CDH22: variants seen among roughly 807,000 people sequenced by gnomAD.
CDH22 encodes the protein cadherin 22.
In CDH22, 30 loss-of-function variants were observed where a neutral mutation model predicts 58.4. The ratio of observed to expected loss-of-function variants is 0.51; its 90% CI spans 0.38 to 0.70. The LOEUF is 0.70. CDH22 is among the 30% of genes least tolerant of loss of function. CDH22 has a pLI of 0.00. For missense variants in CDH22, 1,014 were observed against 1,233.9 expected (o/e 0.82, Z 2.67); for synonymous variants, 513 against 558.2 (o/e 0.92, Z 1.14).
chr20:46,296,790 G>A (rs1266831233), intron 1 of CDH22, among the ~76,000 whole-genome samples: 2 of 152,170 alleles, frequency 1.3e-5, no homozygotes, highest in East Asian at 1.9e-4. Context: ...CCTCCCTCTC[G>A]CACAGCAGAG....
At chr20:46,255,735 T>A (rs1292998896) in intron 1 of CDH22, among the ~76,000 whole-genome samples, 4 of 152,174 alleles carry the variant, frequency 2.6e-5, no homozygotes, top group Non-Finnish European at 1.5e-5. Flanking sequence ...CTTCTTCCTT[T>A]TCCTGCTCCA....
chr20:46,224,273 C>T (rs2086155534), intron 4 of CDH22, among the ~76,000 whole-genome samples: 1 of 152,204 alleles, frequency 6.6e-6, no homozygotes, highest in Admixed American at 6.5e-5. Context: ...AATAAAAGTG[C>T]CATGAATGCA....
rs554879004 is a variant in CDH22, at chr20:46,295,794, G to C, written c.-400+12461C>G. On this transcript the variant is annotated intron_variant, in intron 1 of 11. Coordinates refer to ENST00000537909, the MANE Select transcript of CDH22 (RefSeq NM_021248.3). ...TATTTATTTGTAGAGGCAGGGTCTC[G>C]CTCTGTCACCCAGGCTGGAGTGCAG... Among the ~76,000 whole-genome samples, 3 of 152,132 alleles carry C rather than the reference G, an allele frequency of 2.0e-5. No individual in the cohort carries two copies. The South Asian group carries it at 6.2e-4, about 32-fold the overall frequency.
rs1219015149 is a variant in CDH22, at chr20:46,216,178, G to A, written c.838+648C>T. On this transcript the variant is annotated intron_variant, in intron 5 of 11. Transcript: ENST00000537909. This position sits in a 1 kb window ranked among gnomAD's most constrained non-coding sequence, Gnocchi z 5.3. ...GTAGTGGCTCTCGGCCTGAGCCTGGGACAGAGGGGTTGGCTGGGCTGATAG... is the reference window on the plus strand; with the variant it reads ...GTAGTGGCTCTCGGCCTGAGCCTGGAACAGAGGGGTTGGCTGGGCTGATAG... Among the ~76,000 whole-genome samples the A allele has an allele frequency of 6.6e-6, 1 of 152,212 alleles. No individual in the cohort carries two copies. Among genetic ancestry groups the A allele is most frequent in the Non-Finnish European group, 1.5e-5 (1 of 68,030 alleles).
intron 1 of CDH22, among the ~76,000 whole-genome samples, chr20:46,289,038 G>T (rs1600727938): frequency 1.3e-5 from 2 of 152,144 alleles, no homozygotes; most frequent in Non-Finnish European, 2.9e-5. Context: ...TTGGCTTCTT[G>T]TTACTTCTCT....
chr20:46,287,429 G>A (rs2086581273), intron 1 of CDH22, among the ~76,000 whole-genome samples: 1 of 152,170 alleles, frequency 6.6e-6, no homozygotes, highest in Admixed American at 6.5e-5. Context: ...ACTAGTCTGG[G>A]GCTCTTGGGA....
At chr20:46,205,414 CAG>C (rs1162243399) in intron 7 of CDH22, among the ~76,000 whole-genome samples, 1 of 152,160 alleles carries the variant, frequency 6.6e-6, no homozygotes, top group Non-Finnish European at 1.5e-5. Context: ...AACCGAGGCT[CAG>C]AGGGGGTGCA....
chr20:46,271,749 T>C (rs1164479922), intron 1 of CDH22, among the ~76,000 whole-genome samples: 2 of 152,204 alleles, frequency 1.3e-5, no homozygotes, highest in African/African-American at 4.8e-5. Flanking sequence ...CTTCTGTAAA[T>C]CCTTTGCAGG....
At chr20:46,262,079 G>T (rs1007267292) in intron 1 of CDH22, among the ~76,000 whole-genome samples, 2 of 152,190 alleles carry the variant, frequency 1.3e-5, no homozygotes, top group Admixed American at 1.3e-4. Context: ...TGCTCAATAA[G>T]TGTGGAGCGA....
intron 6 of CDH22, among the ~76,000 whole-genome samples, chr20:46,211,023 T>C (rs2086039632): frequency 6.6e-6 from 1 of 152,018 alleles, no homozygotes; most frequent in Non-Finnish European, 1.5e-5. Flanking sequence ...GGGCAGTGAG[T>C]GAGTCCCTAG....
In CDH22 at chr20:46,246,909, AGT is replaced by A. The variant is rs1461313617; in HGVS notation, c.255+4129_255+4130del. 2.0e-5 allele frequency among the ~76,000 whole-genome samples: 3 copies of A among 149,934 alleles called. No homozygotes were observed. In the Admixed American group the frequency reaches 2.0e-4, roughly 10 times the overall value. On this transcript the variant is annotated intron_variant, in intron 2 of 11. Transcript: ENST00000537909. ...GAAGAGTGAGAGAGCGTGGTATGAG[AGT>A]GTGTGTTTGCATTCATATGTGCCCA...
chr20:46,250,532 C>T (rs2086363840), intron 2 of CDH22, among the ~76,000 whole-genome samples: 1 of 152,024 alleles, frequency 6.6e-6, no homozygotes, highest in African/African-American at 2.4e-5. Flanking sequence ...ACAACTTAGG[C>T]AAAGGGGCAG....
chr20:46,294,969 C>T lies in CDH22; in HGVS notation c.-400+13286G>A, dbSNP rs535025743. Among the ~76,000 whole-genome samples the T allele has an allele frequency of 7.2e-5, 11 of 152,350 alleles. No homozygotes were observed. In the South Asian group the frequency reaches 2.3e-3, roughly 32 times the overall value. On this transcript the variant is annotated intron_variant, in intron 1 of 11. Coordinates refer to ENST00000537909, the MANE Select transcript of CDH22 (RefSeq NM_021248.3). ...TGGCTGAGGAGGGGTTTCTTCTTCA[C>T]ACCCTTCATTCTCTGCTCACTGTCT...
intron 2 of CDH22, among the ~76,000 whole-genome samples, chr20:46,247,268 T>A (rs2086337058): frequency 6.6e-6 from 1 of 152,148 alleles, no homozygotes; most frequent in Admixed American, 6.5e-5. Context: ...GCTAACTCAC[T>A]GACTCCCCAA....
intron 10 of CDH22, among the ~76,000 whole-genome samples, chr20:46,185,046 AC>A (rs1383050081): frequency 1.3e-5 from 2 of 152,022 alleles, no homozygotes; most frequent in Non-Finnish European, 2.9e-5. Context: ...AGATCGCACC[AC>A]TGCACTCCAG....
At chr20:46,227,748 C>T in intron 3 of CDH22, 121 bp from the exon 4 acceptor site, 5 of 1,388,394 alleles carry the variant, frequency 3.6e-6, no homozygotes, top group Non-Finnish European at 3.9e-6. Flanking sequence ...GGGAGGCCAT[C>T]GAATACAGCC....
chr20:46,208,714 C>G (rs2086018202), intron 7 of CDH22, among the ~76,000 whole-genome samples: 2 of 152,320 alleles, frequency 1.3e-5, no homozygotes, highest in East Asian at 3.9e-4. Context: ...CTGCCTCAGC[C>G]TCCAGAGTAG....
rs559565572 is a variant in CDH22, at chr20:46,176,627, G to A, written c.1915+1319C>T. Among the ~76,000 whole-genome samples the A allele has an allele frequency of 6.1e-4, 93 of 152,266 alleles. 1 individual carries two copies. Among genetic ancestry groups the A allele is most frequent in the Non-Finnish European group, 1.0e-4 (7 of 68,048 alleles). The stretch of plus-strand genomic sequence containing the variant: ...CTCCTCCAAACAGCTCCAGTGGCCA[G>A]AGCTGGCTGTGAGGGCCATGGGGCA... On this transcript the variant is annotated intron_variant, in intron 11 of 11. Coordinates refer to ENST00000537909, the MANE Select transcript of CDH22 (RefSeq NM_021248.3).
intron 1 of CDH22, among the ~76,000 whole-genome samples, chr20:46,260,565 G>A (rs1323979474): frequency 6.6e-5 from 10 of 152,216 alleles, no homozygotes. Flanking sequence ...ACTGGGGCCT[G>A]GGAGGGACTC....
Sources: allele counts gnomAD v4.1 joint callset (sites outside exome capture counted in the v4.1 genomes callset), GRCh38; gene constraint gnomAD v4.1.1; non-coding constraint Gnocchi (gnomAD v3.1); transcripts MANE v1.5; gene names NCBI Gene and HGNC (gene_info 2026-07-23, HGNC 2026-07-21).